KCNQ3: variants seen among roughly 807,000 people sequenced by gnomAD.
KCNQ3 encodes potassium voltage-gated channel subfamily Q member 3, also known as potassium voltage-gated channel subfamily KQT member 3.
In KCNQ3, 30 loss-of-function variants were observed where a neutral mutation model predicts 92.5. The ratio of observed to expected loss-of-function variants is 0.32; its 90% confidence interval spans 0.24 to 0.44. The LOEUF is 0.44. Ranked by LOEUF, KCNQ3 falls within the 20% of genes least tolerant of loss-of-function variation. The probability of loss-of-function intolerance (pLI) is 1.00; values close to 1 mark genes in which losing one functional copy is unlikely to be tolerated. For missense variants in KCNQ3, 913 were observed against 1,140.3 expected (o/e 0.80, Z 2.87); for synonymous variants, 450 against 468.8 (o/e 0.96, Z 0.52).
At chr8:132,254,602 C>T (rs1360806617) in intron 1 of KCNQ3, among the ~76,000 whole-genome samples, 1 of 152,108 alleles carries the variant, frequency 6.6e-6, no homozygotes, top group Non-Finnish European at 1.5e-5. Flanking sequence ...ATGAATGAGG[C>T]CATGTATGGT....
intron 1 of KCNQ3, among the ~76,000 whole-genome samples, chr8:132,339,016 A>G (rs1037533383): frequency 2.6e-5 from 4 of 152,206 alleles, no homozygotes; most frequent in Non-Finnish European, 5.9e-5. Flanking sequence ...TTGCATGCAT[A>G]CTGAAAACTT....
At chr8:132,153,450 C>T (rs1000538106) in intron 9 of KCNQ3, among the ~76,000 whole-genome samples, 4 of 152,104 alleles carry the variant, frequency 2.6e-5, no homozygotes, top group Non-Finnish European at 4.4e-5. Context: ...CCCCAAGACA[C>T]ATTTTTGTTC....
chr8:132,146,499 G>A (rs913048382), intron 9 of KCNQ3, among the ~76,000 whole-genome samples: 7 of 152,058 alleles, frequency 4.6e-5, no homozygotes, highest in African/African-American at 1.2e-4. Flanking sequence ...ACAGGGGAGC[G>A]TTGTTTAATA....
chr8:132,255,984 A>ACAAG (rs1187919437), intron 1 of KCNQ3, among the ~76,000 whole-genome samples: 7 of 151,318 alleles, frequency 4.6e-5, no homozygotes, highest in African/African-American at 1.7e-4. Context: ...AAATAAACAA[A>ACAAG]CCAAAAAAAC....
chr8:132,134,448 C>A (rs576601038), intron 12 of KCNQ3, 60 bp from the exon 13 acceptor site: 13 of 1,126,558 alleles, frequency 1.2e-5, no homozygotes, highest in Middle Eastern at 2.1e-4. Flanking sequence ...GACAGGAAAA[C>A]AAATCATTCT....
At chr8:132,172,781 G>T in intron 6 of KCNQ3, 88 bp from the exon 7 acceptor site, 1 of 916,948 alleles carries the variant, frequency 1.1e-6, no homozygotes, top group Non-Finnish European at 1.8e-6. Context: ...GGACTGTAGG[G>T]CTCAATTGCA....
intron 1 of KCNQ3, among the ~76,000 whole-genome samples, chr8:132,361,279 A>G (rs1353555234): frequency 6.6e-6 from 1 of 152,072 alleles, no homozygotes; most frequent in Non-Finnish European, 1.5e-5. Context: ...AACAACTCTG[A>G]CTCATCTGAT....
intron 1 of KCNQ3, among the ~76,000 whole-genome samples, chr8:132,269,555 C>A (rs1294013516): frequency 6.6e-6 from 1 of 152,192 alleles, no homozygotes; most frequent in African/African-American, 2.4e-5. Context: ...GTCTAAAGAT[C>A]CACACATTGA....
At chr8:132,322,146 T>C (rs981784412) in intron 1 of KCNQ3, among the ~76,000 whole-genome samples, 1 of 152,050 alleles carries the variant, frequency 6.6e-6, no homozygotes, top group Non-Finnish European at 1.5e-5. Flanking sequence ...CAAAGAGACT[T>C]TAGCTTGCAA....
At chr8:132,350,985 C>T (rs1426905420) in intron 1 of KCNQ3, among the ~76,000 whole-genome samples, 1 of 152,128 alleles carries the variant, frequency 6.6e-6, no homozygotes, top group Non-Finnish European at 1.5e-5. Context: ...CTTCACCCAC[C>T]TGACCTACTC....
intron 1 of KCNQ3, among the ~76,000 whole-genome samples, chr8:132,394,746 A>C (rs1463066285): frequency 1.3e-5 from 2 of 152,186 alleles, no homozygotes; most frequent in Non-Finnish European, 2.9e-5. Context: ...AAGTAGCCTG[A>C]AGTCAGACAG....
rs764387016 is a variant in KCNQ3, at chr8:132,480,336, G to A, written c.197C>T (p.Thr66Ile). Residue 66 changes from threonine (T) to isoleucine (I), a missense_variant, in exon 1 of 15, where the codon ACC (threonine) becomes ATC (isoleucine). Around this residue, in one of 6 missense-constraint regions of KCNQ3, gnomAD observed 183 missense variants for 167.7 expected, o/e 1.09. Transcript: ENST00000388996. ...GCGGCCGCCGCCCTCCAGCAGCAGGGTCCCGTCTTTGTCGGCTCCGGCCCC... is the reference window on the plus strand; with the variant it reads ...GCGGCCGCCGCCCTCCAGCAGCAGGATCCCGTCTTTGTCGGCTCCGGCCCC... ...ALGAGADKDG[T>I]LLLEGGGRDE... The A allele has an allele frequency of 6.3e-7, 1 of 1,599,374 alleles. No homozygotes were observed. The highest frequency in any genetic ancestry group is 2.3e-5 in the East Asian group (1 of 44,190).
intron 1 of KCNQ3, among the ~76,000 whole-genome samples, chr8:132,363,906 T>A (rs1819241749): frequency 6.6e-6 from 1 of 151,946 alleles, no homozygotes; most frequent in Non-Finnish European, 1.5e-5. Context: ...TGACCCTGTA[T>A]TTAAAACTAC....
At chr8:132,148,153 G>A (rs1407530005) in intron 9 of KCNQ3, among the ~76,000 whole-genome samples, 1 of 152,186 alleles carries the variant, frequency 6.6e-6, no homozygotes, top group African/African-American at 2.4e-5. Flanking sequence ...CTGGAGATGA[G>A]ATGATAATGA....
intron 1 of KCNQ3, among the ~76,000 whole-genome samples, chr8:132,443,697 T>C (rs1034830285): frequency 6.6e-6 from 1 of 152,080 alleles, no homozygotes; most frequent in African/African-American, 2.4e-5. Context: ...TGTTTTTTGT[T>C]GCATTTTGTT....
At chr8:132,201,502 G>A (rs1392708921) in intron 1 of KCNQ3, among the ~76,000 whole-genome samples, 2 of 152,072 alleles carry the variant, frequency 1.3e-5, no homozygotes, top group Non-Finnish European at 2.9e-5. Context: ...AAATGCAATG[G>A]TGGGACAGGC....
rs1819502754 is a variant in KCNQ3, at chr8:132,372,571, C to G, written c.386+107576G>C. Among the ~76,000 whole-genome samples, 3 of 152,068 alleles carry G rather than the reference C, an allele frequency of 2.0e-5. No homozygotes were observed. The South Asian group carries it at 6.3e-4, about 32-fold the overall frequency. On this transcript the variant is annotated intron_variant, in intron 1 of 14. Coordinates refer to ENST00000388996, the MANE Select transcript of KCNQ3 (RefSeq NM_004519.4). ...AGGAGTTCAAGACCAGCCTGACCAA[C>G]ATGGTGAAACCCCATCTCTACTAAA...
intron 1 of KCNQ3, among the ~76,000 whole-genome samples, chr8:132,455,178 G>A (rs192993349): frequency 5.9e-5 from 9 of 152,234 alleles, no homozygotes; most frequent in East Asian, 3.9e-4. Context: ...ATACAGTGGC[G>A]TGACTGCAAC....
chr8:132,266,396 C>T (rs2130485532), intron 1 of KCNQ3, among the ~76,000 whole-genome samples: 1 of 152,266 alleles, frequency 6.6e-6, no homozygotes, highest in African/African-American at 2.4e-5. Flanking sequence ...TAATATGTCA[C>T]AAGTTACTCT....
Sources: gnomAD v4.1 joint callset for allele counts (sites outside exome capture counted in the v4.1 genomes callset) on GRCh38, gnomAD v4.1.1 for gene constraint, gnomAD v4.1.1 regional missense constraint, MANE v1.5 for transcripts, NCBI Gene and HGNC (gene_info 2026-07-23, HGNC 2026-07-21) for gene names.